C8orf34: variants seen among roughly 807,000 people sequenced by gnomAD.
C8orf34 encodes uncharacterized protein C8orf34.
A neutral mutation model predicts 68.3 loss-of-function variants in C8orf34; 65 were observed. The observed-to-expected ratio is 0.95, with a 90% confidence interval of 0.78 to 1.17. C8orf34 has a LOEUF of 1.17. Among genes scored for constraint, C8orf34 ranks in the 50% most tolerant of loss-of-function variants. The pLI, the probability that C8orf34 is intolerant of heterozygous loss-of-function variation, is 0.00. For synonymous variants in C8orf34, 244 were observed against 241.2 expected, an observed-to-expected ratio of 1.01 and a Z score of -0.11; for missense variants, 664 against 655.4, an observed-to-expected ratio of 1.01 and a Z score of -0.14.
At chr8:68,594,927 T>G (rs950821560) in intron 7 of C8orf34, among the ~76,000 whole-genome samples, 1 of 152,006 alleles carries the variant, frequency 6.6e-6, no homozygotes, top group African/African-American at 2.4e-5. Flanking sequence ...GGTTTAAAAT[T>G]TACAGATTTA....
intron 11 of C8orf34, among the ~76,000 whole-genome samples, chr8:68,782,921 A>C (rs934464086): frequency 6.6e-6 from 1 of 151,796 alleles, no homozygotes; most frequent in African/African-American, 2.4e-5. Context: ...AAAAAGAAAA[A>C]GTTATTGAGG....
chr8:68,476,631 G>A lies in C8orf34; in HGVS notation c.736+7811G>A, dbSNP rs1054829947. Among the ~76,000 whole-genome samples, 12 of 152,260 alleles carry A rather than the reference G, an allele frequency of 7.9e-5. No homozygotes were observed. The East Asian group carries it at 1.7e-3, about 22-fold the overall frequency. ...CGAGTTGGGTTTTATGCCCTACAGG[G>A]TCTGTATTACAAAGATGTCATACAT... On this transcript the variant is annotated intron_variant, in intron 4 of 13. Coordinates refer to ENST00000518698, the MANE Select transcript of C8orf34 (RefSeq NM_052958.4).
intron 1 of C8orf34, among the ~76,000 whole-genome samples, chr8:68,337,589 G>A (rs1182674726): frequency 1.3e-5 from 2 of 152,114 alleles, no homozygotes; most frequent in African/African-American, 2.4e-5. Context: ...ATAAGGAATT[G>A]TTTGTATTGT....
chr8:68,794,506 T>TATATATATATACATACA (rs58048066), intron 12 of C8orf34, among the ~76,000 whole-genome samples: 1 of 59,044 alleles, frequency 1.7e-5, no homozygotes, highest in African/African-American at 1.0e-4. Flanking sequence ...TATATATATA[T>TATATATATATACATACA]TTTTTTTTTT....
intron 12 of C8orf34, among the ~76,000 whole-genome samples, chr8:68,813,271 G>C (rs767602433): frequency 1.3e-5 from 2 of 152,072 alleles, no homozygotes; most frequent in Non-Finnish European, 1.5e-5. Context: ...TACTTCAAAA[G>C]AAAAGGAAGC....
At chr8:68,613,879 T>C (rs970706190) in intron 7 of C8orf34, among the ~76,000 whole-genome samples, 20 of 152,224 alleles carry the variant, frequency 1.3e-4, no homozygotes, top group Non-Finnish European at 2.6e-4. Flanking sequence ...ACTTCCACAA[T>C]GGTTGAACTA....
chr8:68,418,345 G>C (rs1180259717), intron 1 of C8orf34, among the ~76,000 whole-genome samples: 1 of 151,494 alleles, frequency 6.6e-6, no homozygotes, highest in East Asian at 1.9e-4. Context: ...AATAGGAGTG[G>C]TGAGAGAGGG....
chr8:68,722,381 G>T (rs190940326), intron 10 of C8orf34, among the ~76,000 whole-genome samples: 1 of 152,042 alleles, frequency 6.6e-6, no homozygotes, highest in East Asian at 1.9e-4. Flanking sequence ...CTTGGGCTAG[G>T]AATTCGACAT....
At chr8:68,406,970 A>C (rs1039101314) in intron 1 of C8orf34, among the ~76,000 whole-genome samples, 2 of 152,188 alleles carry the variant, frequency 1.3e-5, no homozygotes, top group Non-Finnish European at 2.9e-5. Flanking sequence ...GCATGAAGCC[A>C]GGAGCTGTCT....
At chr8:68,449,901 GA>G (rs1811275779) in intron 3 of C8orf34, among the ~76,000 whole-genome samples, 1 of 152,046 alleles carries the variant, frequency 6.6e-6, no homozygotes, top group Non-Finnish European at 1.5e-5. Flanking sequence ...TTCTTTTCAT[GA>G]AAAAGTTATT....
chr8:68,538,652 G>C (rs1815582595), intron 7 of C8orf34, among the ~76,000 whole-genome samples: 1 of 152,012 alleles, frequency 6.6e-6, no homozygotes. Flanking sequence ...CAGCAAAAAT[G>C]TATGTTTCCC....
intron 10 of C8orf34, among the ~76,000 whole-genome samples, chr8:68,755,929 T>TGATGGCGGGCGC (rs1278933123): frequency 1.3e-5 from 2 of 149,638 alleles, no homozygotes; most frequent in African/African-American, 2.5e-5. Flanking sequence ...TAGCCGGGCG[T>TGATGGCGGGCGC]GATGGCGGGC....
At chr8:68,724,657 T>C (rs1821774280) in intron 10 of C8orf34, among the ~76,000 whole-genome samples, 1 of 152,182 alleles carries the variant, frequency 6.6e-6, no homozygotes, top group Non-Finnish European at 1.5e-5. Flanking sequence ...TTGGTATATA[T>C]ACAGCCTATG....
chr8:68,510,398 C>A (rs931287306), intron 5 of C8orf34, among the ~76,000 whole-genome samples: 33 of 152,120 alleles, frequency 2.2e-4, no homozygotes, highest in African/African-American at 7.7e-4. Context: ...CATCACCTGG[C>A]AGGATTTGCA....
intron 7 of C8orf34, among the ~76,000 whole-genome samples, chr8:68,577,117 C>T (rs1023911073): frequency 6.6e-6 from 1 of 151,992 alleles, no homozygotes; most frequent in African/African-American, 2.4e-5. Flanking sequence ...TACAGACTCT[C>T]TTAGCTTTGT....
At chr8:68,401,115 GTT>G (rs57444673) in intron 1 of C8orf34, among the ~76,000 whole-genome samples, 13,108 of 138,944 alleles carry the variant, frequency 0.094, 613 homozygotes, top group Middle Eastern at 0.13. Flanking sequence ...CATATTCCTA[GTT>G]TTTTTTTTTT....
chr8:68,721,369 C>T lies in C8orf34; in HGVS notation c.1336C>T (p.Pro446Ser), dbSNP rs1821669994. ...TTTAAAAATAAAAATAGATTCCTTG[C>T]CTGGGACTGAAGAAGCACTAATGGA... ...EKIPDSFDSL[P>S]GTEEALMEEG... Residue 446 changes from proline (P) to serine (S), a missense_variant, in exon 10 of 14, where the codon CCT becomes TCT. Pro to Ser is a moderately conservative substitution (Grantham distance 74). Transcript: ENST00000518698. 22 of 1,603,854 alleles carry T rather than the reference C, an allele frequency of 1.4e-5. No homozygotes were observed. The highest frequency in any genetic ancestry group is 1.8e-5 in the Non-Finnish European group (21 of 1,172,856).
At chr8:68,334,825 G>T (rs1459824104) in intron 1 of C8orf34, among the ~76,000 whole-genome samples, 1 of 152,118 alleles carries the variant, frequency 6.6e-6, no homozygotes, top group African/African-American at 2.4e-5. Flanking sequence ...TGGCATATAT[G>T]TTATAAAATG....
intron 7 of C8orf34, among the ~76,000 whole-genome samples, chr8:68,624,708 A>G (rs953821634): frequency 2.0e-5 from 3 of 150,040 alleles, no homozygotes; most frequent in Non-Finnish European, 3.0e-5. Context: ...AGCAGCGAAT[A>G]TAGACAGTTC....
Sources: gnomAD v4.1 joint callset for allele counts (sites outside exome capture counted in the v4.1 genomes callset) on GRCh38, gnomAD v4.1.1 for gene constraint, MANE v1.5 for transcripts, NCBI Gene and HGNC (gene_info 2026-07-23, HGNC 2026-07-21) for gene names.